OPCML: variants seen among roughly 807,000 people sequenced by gnomAD.
OPCML encodes opioid-binding protein/cell adhesion molecule.
OPCML carries 13 observed loss-of-function variants against 37.8 expected under a neutral mutation model. The ratio of observed to expected loss-of-function variants is 0.34; its 90% CI spans 0.22 to 0.55. The LOEUF is 0.55. Ranked by LOEUF, OPCML falls within the 20% of genes least tolerant of loss-of-function variation. The pLI, the probability that OPCML is intolerant of heterozygous loss-of-function variation, is 0.91. For missense variants in OPCML, 341 were observed against 435.6 expected (o/e 0.78, Z 1.93); for synonymous variants, 176 against 168.8 (o/e 1.04, Z -0.33).
rs1250038673 is a variant in OPCML, at chr11:132,480,457, C to G, written c.506-43098G>C. ...TGGAAAACACTATGCAGGATATTCT[C>G]CAGGAGAACTTCCCCAATCTAGCAA... On this transcript the variant is annotated intron_variant, in intron 4 of 7. Coordinates refer to ENST00000524381, the MANE Select transcript of OPCML (RefSeq NM_001012393.5). Among the ~76,000 whole-genome samples, 3 of 152,168 alleles carry G rather than the reference C, an allele frequency of 2.0e-5. No homozygotes were observed. In the East Asian group the frequency reaches 5.8e-4, roughly 29 times the overall value.
At chr11:133,498,019 C>T (rs906748601) in intron 1 of OPCML, among the ~76,000 whole-genome samples, 55 of 152,226 alleles carry the variant, frequency 3.6e-4, no homozygotes, top group African/African-American at 1.3e-3. Flanking sequence ...TAAAAGGGAA[C>T]ATCAGCTGCA....
At chr11:133,343,824 C>G (rs1943932146) in intron 1 of OPCML, among the ~76,000 whole-genome samples, 1 of 152,144 alleles carries the variant, frequency 6.6e-6, no homozygotes, top group African/African-American at 2.4e-5. Context: ...CACATCTTCC[C>G]AAAATAGCCT....
intron 2 of OPCML, among the ~76,000 whole-genome samples, chr11:132,798,174 G>A (rs1015896977): frequency 5.3e-5 from 8 of 152,100 alleles, no homozygotes; most frequent in Non-Finnish European, 1.0e-4. Flanking sequence ...GGAGTCAAGC[G>A]ATTCTCCTGC....
At chr11:133,348,624 G>A (rs1464231764) in intron 1 of OPCML, among the ~76,000 whole-genome samples, 1 of 152,290 alleles carries the variant, frequency 6.6e-6, no homozygotes, top group African/African-American at 2.4e-5. Context: ...CTGAGACTTC[G>A]TGGCTTGCTG....
At chr11:133,472,149 CT>C (rs1947130471) in intron 1 of OPCML, among the ~76,000 whole-genome samples, 1 of 152,092 alleles carries the variant, frequency 6.6e-6, no homozygotes, top group African/African-American at 2.4e-5. Flanking sequence ...AGAGATGAAG[CT>C]CTTTTAGTTG....
intron 1 of OPCML, among the ~76,000 whole-genome samples, chr11:133,531,217 G>A (rs1948599108): frequency 6.6e-6 from 1 of 152,210 alleles, no homozygotes; most frequent in African/African-American, 2.4e-5. Flanking sequence ...CAGGCATTCA[G>A]TTGTCTGCTT....
At chr11:132,432,829 G>C (rs2096001792) in intron 7 of OPCML, among the ~76,000 whole-genome samples, 1 of 152,188 alleles carries the variant, frequency 6.6e-6, no homozygotes, top group African/African-American at 2.4e-5. Flanking sequence ...AGAAGATAAA[G>C]TCTATAGAAA....
chr11:133,278,741 TA>T lies in OPCML; in HGVS notation c.61+253522del, dbSNP rs34058312. Among the ~76,000 whole-genome samples the T allele has an allele frequency of 2.9e-3, 435 of 150,004 alleles. 1 individual carries two copies. The highest frequency in any genetic ancestry group is 9.0e-3 in the African/African-American group (371 of 41,112). On this transcript the variant is annotated intron_variant, in intron 1 of 7. Coordinates refer to ENST00000524381, the MANE Select transcript of OPCML (RefSeq NM_001012393.5). ...AACCTCATCTTTTTATTTGTTTGAT[TA>T]AAAAAAAAATCTGTCAGCCACCTAC...
chr11:132,996,618 CAAAAA>C (rs11285711), intron 1 of OPCML, among the ~76,000 whole-genome samples: 1 of 123,398 alleles, frequency 8.1e-6, no homozygotes. Flanking sequence ...GGCTCCATCT[CAAAAA>C]AAAAAAAAAA....
At position 132,419,170 on chromosome 11, in the gene OPCML, A is replaced by G. The variant is rs899580088; in HGVS notation, c.*1023T>C. The G allele has an allele frequency of 1.3e-5, 2 of 152,394 alleles. No homozygotes were observed. Among genetic ancestry groups the G allele is most frequent in the Non-Finnish European group, 1.5e-5 (1 of 68,048 alleles). The allele number at this position is 152,394 out of a possible 1,614,324, so 9.4% of individuals were successfully genotyped here. A position where few individuals can be genotyped will look rare whatever the true frequency, so the allele number is the denominator to read the frequency against. On this transcript the variant is annotated 3_prime_UTR_variant, in exon 8 of 8. Transcript: ENST00000524381. ...AATGTCTGCTGATGGTGTATAAATG[A>G]ATACAGTGGGAGAGATACAATATGG...
chr11:132,436,836 G>A, intron 5 of OPCML, 57 bp from the exon 6 acceptor site: 2 of 1,575,726 alleles, frequency 1.3e-6, no homozygotes, highest in Non-Finnish European at 1.7e-6. Flanking sequence ...CACACAGAGT[G>A]ATTTCGTGAA....
At chr11:133,052,657 G>T (rs1948152680) in intron 1 of OPCML, among the ~76,000 whole-genome samples, 1 of 152,210 alleles carries the variant, frequency 6.6e-6, no homozygotes, top group Non-Finnish European at 1.5e-5. Context: ...GTCCCTTTGA[G>T]AACACTGTGT....
At chr11:133,291,384 A>G (rs1227005637) in intron 1 of OPCML, among the ~76,000 whole-genome samples, 1 of 152,092 alleles carries the variant, frequency 6.6e-6, no homozygotes, top group Non-Finnish European at 1.5e-5. Context: ...CCCTGCGTCC[A>G]CTGCACCAGC....
chr11:133,287,371 C>G (rs1432275665), intron 1 of OPCML, among the ~76,000 whole-genome samples: 36 of 148,290 alleles, frequency 2.4e-4, no homozygotes, highest in African/African-American at 8.9e-4. Context: ...CTTGGCCTCC[C>G]GACGTGCTGG....
At chr11:132,778,778 T>A (rs934617123) in intron 2 of OPCML, among the ~76,000 whole-genome samples, 1 of 152,134 alleles carries the variant, frequency 6.6e-6, no homozygotes, top group Non-Finnish European at 1.5e-5. Context: ...TTAAAAGATA[T>A]GTCCAAAGTC....
chr11:133,465,859 C>T (rs1476134461), intron 1 of OPCML, among the ~76,000 whole-genome samples: 1 of 152,204 alleles, frequency 6.6e-6, no homozygotes, highest in African/African-American at 2.4e-5. Flanking sequence ...ATCATATTGT[C>T]ATAGTCACTT....
chr11:133,349,052 C>T (rs971652954), intron 1 of OPCML, among the ~76,000 whole-genome samples: 6 of 152,178 alleles, frequency 3.9e-5, no homozygotes, highest in Admixed American at 6.5e-5. Context: ...AACCTAAAAT[C>T]GCATTAATTG....
chr11:132,577,424 G>A (rs1248769706), intron 3 of OPCML, among the ~76,000 whole-genome samples: 1 of 151,980 alleles, frequency 6.6e-6, no homozygotes, highest in African/African-American at 2.4e-5. Flanking sequence ...TTATTTAACA[G>A]TGTGATTGCA....
chr11:132,943,185 G>T lies in OPCML; in HGVS notation c.62-175C>A. On this transcript the variant is annotated intron_variant, in intron 1 of 7. Coordinates refer to ENST00000524381, the MANE Select transcript of OPCML (RefSeq NM_001012393.5). The surrounding 1 kb of genome is among the most constrained non-coding windows in gnomAD (Gnocchi z 4.3). ...GCGGGCTCGGGAAGCGGTGCGGGGAGGAGGGAAGGGGCAGAGTTCGCCAGG... is the reference window on the plus strand; with the variant it reads ...GCGGGCTCGGGAAGCGGTGCGGGGATGAGGGAAGGGGCAGAGTTCGCCAGG... The T allele has an allele frequency of 6.3e-7, 1 of 1,577,622 alleles. No individual in the cohort carries two copies. Among genetic ancestry groups the T allele is most frequent in the Non-Finnish European group, 8.6e-7 (1 of 1,156,216 alleles).
Sources: gnomAD v4.1 joint callset for allele counts (sites outside exome capture counted in the v4.1 genomes callset) on GRCh38, gnomAD v4.1.1 for gene constraint, Gnocchi (gnomAD v3.1) non-coding constraint, MANE v1.5 for transcripts, NCBI Gene and HGNC (gene_info 2026-07-23, HGNC 2026-07-21) for gene names.